The following NR3C2 variants were observed in gnomAD, a reference collection of about 807,000 sequenced individuals.
NR3C2 encodes the protein nuclear receptor subfamily 3 group C member 2, also known as mineralocorticoid receptor.
NR3C2 carries 15 observed loss-of-function variants against 86.4 expected under a neutral mutation model. The ratio of observed to expected loss-of-function variants is 0.17; its 90% CI spans 0.12 to 0.27. The LOEUF (loss-of-function observed/expected upper bound fraction) is 0.27. Ranked by LOEUF, NR3C2 falls within the 10% of genes least tolerant of loss-of-function variation. The pLI, the probability that NR3C2 is intolerant of heterozygous loss-of-function variation, is 1.00. For missense variants in NR3C2, 960 were observed against 1,195.6 expected, an observed-to-expected ratio of 0.80 and a Z score of 2.91; for synonymous variants, 458 against 450.5, an observed-to-expected ratio of 1.02 and a Z score of -0.21.
At position 148,130,502 on chromosome 4, in the gene NR3C2, T is replaced by C. The variant is rs193048357; in HGVS notation, c.2511-10214A>G. On this transcript the variant is annotated intron_variant, in intron 6 of 8. Transcript: ENST00000358102. ...CTTTGAAATACTTCACATTAGCCCC[T>C]GGATTAAGCTCTACATAGCTCTCAT... is the stretch of plus-strand genomic sequence containing the variant. Among the ~76,000 whole-genome samples the C allele has an allele frequency of 1.9e-3, 291 of 152,332 alleles. 1 individual carries two copies. Among genetic ancestry groups the C allele is most frequent in the African/African-American group, 6.7e-3 (280 of 41,586 alleles).
chr4:148,397,106 G>A (rs1316562041), intron 2 of NR3C2, among the ~76,000 whole-genome samples: 1 of 152,196 alleles, frequency 6.6e-6, no homozygotes, highest in East Asian at 1.9e-4. Flanking sequence ...ATATACAACA[G>A]CTGCTTTCAC....
intron 3 of NR3C2, among the ~76,000 whole-genome samples, chr4:148,205,444 T>C (rs1736955980): frequency 6.9e-6 from 1 of 145,806 alleles, no homozygotes; most frequent in African/African-American, 2.4e-5. Flanking sequence ...GGCAAACCAC[T>C]GTTATCAATT....
chr4:148,150,364 T>G (rs1421687256), intron 6 of NR3C2, among the ~76,000 whole-genome samples: 1 of 152,230 alleles, frequency 6.6e-6, no homozygotes. Context: ...ATTCCTAGTT[T>G]GTTAACATTG....
At chr4:148,230,172 T>G (rs1738386043) in intron 3 of NR3C2, among the ~76,000 whole-genome samples, 1 of 152,174 alleles carries the variant, frequency 6.6e-6, no homozygotes, top group African/African-American at 2.4e-5. Flanking sequence ...AACAGAGAGA[T>G]AAAAAGAACG....
chr4:148,418,620 C>T (rs1174750584), intron 2 of NR3C2, among the ~76,000 whole-genome samples: 3 of 152,086 alleles, frequency 2.0e-5, no homozygotes, highest in Non-Finnish European at 4.4e-5. Context: ...TAATTATTTA[C>T]CCATTGTAGT....
intron 2 of NR3C2, among the ~76,000 whole-genome samples, chr4:148,369,359 C>T (rs1032608616): frequency 6.6e-6 from 1 of 152,148 alleles, no homozygotes; most frequent in Non-Finnish European, 1.5e-5. Flanking sequence ...TTCATATTAG[C>T]ATACATAAGC....
upstream of NR3C2, chr4:148,444,423 C>T: frequency 1.0e-6 from 1 of 986,302 alleles, no homozygotes; most frequent in Non-Finnish European, 1.2e-6. Flanking sequence ...CCAACCCGCG[C>T]CCTCTGCCCT....
At chr4:148,291,807 A>G (rs1741807810) in intron 2 of NR3C2, among the ~76,000 whole-genome samples, 1 of 152,140 alleles carries the variant, frequency 6.6e-6, no homozygotes, top group African/African-American at 2.4e-5. Flanking sequence ...AATTGAAAAC[A>G]CTGTAAACTG....
chr4:148,254,073 T>C (rs1296310824), intron 3 of NR3C2, among the ~76,000 whole-genome samples: 1 of 152,088 alleles, frequency 6.6e-6, no homozygotes, highest in South Asian at 2.1e-4. Context: ...TCAGATGGTC[T>C]TACTATCTGC....
intron 4 of NR3C2, among the ~76,000 whole-genome samples, chr4:148,189,076 G>A (rs1042993436): frequency 2.7e-4 from 41 of 151,712 alleles, no homozygotes; most frequent in African/African-American, 8.7e-4. Flanking sequence ...CTACAGGTGC[G>A]CGCCACCACC....
chr4:148,183,229 C>T (rs549771376), intron 4 of NR3C2, among the ~76,000 whole-genome samples: 4 of 152,122 alleles, frequency 2.6e-5, no homozygotes, highest in Non-Finnish European at 5.9e-5. Context: ...CATTGATGGA[C>T]ATTTGGGTTG....
intron 2 of NR3C2, among the ~76,000 whole-genome samples, chr4:148,297,664 GTTTTC>G (rs1742118675): frequency 1.3e-5 from 2 of 152,050 alleles, no homozygotes; most frequent in South Asian, 2.1e-4. Flanking sequence ...TTTCTGCAGA[GTTTTC>G]TTTTCTTATT....
intron 8 of NR3C2, among the ~76,000 whole-genome samples, chr4:148,088,339 A>G (rs1459627100): frequency 2.0e-5 from 3 of 152,258 alleles, no homozygotes; most frequent in Non-Finnish European, 2.9e-5. Flanking sequence ...TAGAAATATC[A>G]TTTGACCCAG....
chr4:148,420,910 C>G (rs1284378143), intron 2 of NR3C2, among the ~76,000 whole-genome samples: 2 of 152,172 alleles, frequency 1.3e-5, no homozygotes, highest in Non-Finnish European at 2.9e-5. Flanking sequence ...TTCCTGAGGC[C>G]TCCTCAGAAG....
chr4:148,260,611 T>A (rs1322873262), intron 2 of NR3C2, among the ~76,000 whole-genome samples: 1 of 152,228 alleles, frequency 6.6e-6, no homozygotes, highest in Non-Finnish European at 1.5e-5. Context: ...TTTTATCTTG[T>A]CTCAACTGCC....
chr4:148,143,672 G>A (rs1050499305), intron 6 of NR3C2, among the ~76,000 whole-genome samples: 1 of 152,104 alleles, frequency 6.6e-6, no homozygotes, highest in Non-Finnish European at 1.5e-5. Flanking sequence ...CAGGCTGGGC[G>A]CGGTGGCTCA....
At chr4:148,360,963 C>G (rs1023838157) in intron 2 of NR3C2, among the ~76,000 whole-genome samples, 1 of 152,170 alleles carries the variant, frequency 6.6e-6, no homozygotes, top group Non-Finnish European at 1.5e-5. Flanking sequence ...ACTGCCTCCT[C>G]AGGATGCCAC....
chr4:148,254,806 T>C lies in NR3C2; in HGVS notation c.1897+5172A>G, dbSNP rs537664512. ...CCTATATCTGACACAGCAAATATTG[T>C]GGTTGTGACAATAGGCTCAGATGCT... On this transcript the variant is annotated intron_variant, in intron 3 of 8. Coordinates refer to ENST00000358102, the MANE Select transcript of NR3C2 (RefSeq NM_000901.5). Among the ~76,000 whole-genome samples the C allele has an allele frequency of 5.3e-5, 8 of 152,312 alleles. No homozygotes were observed. In the East Asian group the frequency reaches 1.2e-3, roughly 22 times the overall value.
intron 2 of NR3C2, among the ~76,000 whole-genome samples, chr4:148,271,702 G>A (rs1168154082): frequency 6.6e-6 from 1 of 151,722 alleles, no homozygotes; most frequent in Non-Finnish European, 1.5e-5. Context: ...ATATATTTTG[G>A]CTTTGAGAAA....
Sources: gnomAD v4.1 joint callset for allele counts (sites outside exome capture counted in the v4.1 genomes callset) on GRCh38, gnomAD v4.1.1 for gene constraint, MANE v1.5 for transcripts, NCBI Gene and HGNC (gene_info 2026-07-23, HGNC 2026-07-21) for gene names.